The following CALN1 variants were observed in gnomAD, a reference collection of about 807,000 sequenced individuals.
The protein encoded by CALN1 is calcium-binding protein 8.
CALN1 carries 17 observed loss-of-function variants against 30.6 expected under a neutral mutation model. The observed-to-expected ratio is 0.56, with a 90% CI of 0.38 to 0.83. The LOEUF (loss-of-function observed/expected upper bound fraction) is 0.83, where lower values mean the gene tolerates loss of function less well. Among genes scored for constraint, CALN1 ranks in the 40% least tolerant of loss-of-function variants. The pLI is 0.00. For missense variants in CALN1, 291 were observed against 354.9 expected (o/e 0.82, Z 1.45); for synonymous variants, 156 against 131.4 (o/e 1.19, Z -1.28).
chr7:71,862,650 G>A (rs111344053), intron 5 of CALN1, among the ~76,000 whole-genome samples: 72 of 152,296 alleles, frequency 4.7e-4, no homozygotes, highest in African/African-American at 1.6e-3. Context: ...AGTTAGAATG[G>A]AAAGACAAAA....
chr7:71,847,801 A>AG (rs1380996936), intron 5 of CALN1, among the ~76,000 whole-genome samples: 40 of 137,840 alleles, frequency 2.9e-4, no homozygotes, highest in East Asian at 2.2e-3. Context: ...GAAGAAAAGA[A>AG]GAAAAGAAGG....
intron 5 of CALN1, among the ~76,000 whole-genome samples, chr7:71,921,767 A>G (rs550213441): frequency 3.3e-5 from 5 of 152,284 alleles, no homozygotes; most frequent in African/African-American, 1.2e-4. Context: ...AGCCTGGGAC[A>G]CATAATCTGT....
chr7:72,086,890 GGTCAAATAATAAAA>G (rs781032400), intron 4 of CALN1, among the ~76,000 whole-genome samples: 1 of 151,960 alleles, frequency 6.6e-6, no homozygotes, highest in South Asian at 2.1e-4. Flanking sequence ...ATTAAATAAG[GGTCAAATAATAAAA>G]GTCAAATAAT....
rs144038276 is a variant in CALN1, at chr7:72,300,015, G to A, written c.120-21205C>T. 4.3e-4 allele frequency among the ~76,000 whole-genome samples: 66 copies of A among 152,122 alleles called. 1 individual carries two copies. Among genetic ancestry groups the A allele is most frequent in the African/African-American group, 1.5e-3 (62 of 41,500 alleles). On this transcript the variant is annotated intron_variant, in intron 2 of 6. Transcript: ENST00000395275. Reference sequence around the variant, plus strand: ...CCTGCCTCAGCCTCTGAAGTAGCTGGGATTACAGGCGCATGCCACCATGCC... The same window carrying A: ...CCTGCCTCAGCCTCTGAAGTAGCTGAGATTACAGGCGCATGCCACCATGCC...
intron 3 of CALN1, among the ~76,000 whole-genome samples, chr7:72,196,642 A>G (rs1791025297): frequency 6.6e-6 from 1 of 152,220 alleles, no homozygotes; most frequent in African/African-American, 2.4e-5. Context: ...AGAGAAGCAC[A>G]CTGGGAGATA....
chr7:72,161,393 G>A (rs1026510217), intron 3 of CALN1, among the ~76,000 whole-genome samples: 6 of 152,174 alleles, frequency 3.9e-5, no homozygotes, highest in Non-Finnish European at 1.5e-5. Flanking sequence ...ATAAGGTGGA[G>A]AAGGATGGAA....
At chr7:72,204,024 C>T (rs1791647709) in intron 3 of CALN1, among the ~76,000 whole-genome samples, 1 of 115,486 alleles carries the variant, frequency 8.7e-6, no homozygotes, top group Admixed American at 1.1e-4. Flanking sequence ...CAGAGTCTCA[C>T]TCTGTCGCCC....
intron 4 of CALN1, among the ~76,000 whole-genome samples, chr7:72,056,543 G>A (rs1803268253): frequency 6.6e-6 from 1 of 151,762 alleles, no homozygotes; most frequent in South Asian, 2.1e-4. Flanking sequence ...ATGAATTAGA[G>A]GATAAAAAAT....
intron 2 of CALN1, among the ~76,000 whole-genome samples, chr7:72,364,372 T>C (rs1289653443): frequency 6.6e-6 from 1 of 152,218 alleles, no homozygotes; most frequent in African/African-American, 2.4e-5. Flanking sequence ...AAATACATCA[T>C]ATATCTACAG....
intron 3 of CALN1, among the ~76,000 whole-genome samples, chr7:72,156,795 C>T (rs1787713855): frequency 6.6e-6 from 1 of 152,226 alleles, no homozygotes; most frequent in East Asian, 1.9e-4. Context: ...ACAGAAGCCA[C>T]CAGTTCCTTC....
At chr7:72,038,159 T>C (rs1422762767) in intron 4 of CALN1, among the ~76,000 whole-genome samples, 3 of 151,778 alleles carry the variant, frequency 2.0e-5, no homozygotes, top group Non-Finnish European at 2.9e-5. Flanking sequence ...ATGTTTTTAT[T>C]TAACCGAGTC....
chr7:72,167,591 C>T (rs748341172), intron 3 of CALN1, among the ~76,000 whole-genome samples: 1 of 152,200 alleles, frequency 6.6e-6, no homozygotes, highest in Non-Finnish European at 1.5e-5. Flanking sequence ...GTGATCCACC[C>T]TCCTCAGCCT....
At position 72,210,490 on chromosome 7, in the gene CALN1, G is replaced by A. The variant is rs1792314259; in HGVS notation, c.244+68196C>T. Reference sequence around the variant, plus strand: ...CTGCCCAAGACTGGTAATTTATAAAGGAAAGAGGTTTCATTGCCTCACGGT... The same window carrying A: ...CTGCCCAAGACTGGTAATTTATAAAAGAAAGAGGTTTCATTGCCTCACGGT... On this transcript the variant is annotated intron_variant, in intron 3 of 6. Transcript: ENST00000395275. Among the ~76,000 whole-genome samples the A allele has an allele frequency of 2.6e-5, 4 of 152,124 alleles. No homozygotes were observed. The South Asian group carries it at 8.3e-4, about 32-fold the overall frequency.
intron 2 of CALN1, among the ~76,000 whole-genome samples, chr7:72,299,655 C>G (rs983440884): frequency 3.4e-5 from 5 of 146,444 alleles, no homozygotes; most frequent in African/African-American, 7.5e-5. Context: ...CACAAGTAAC[C>G]AAAGAAATAC....
chr7:71,892,625 C>CAA (rs146721851), intron 5 of CALN1, among the ~76,000 whole-genome samples: 1 of 151,790 alleles, frequency 6.6e-6, no homozygotes, highest in African/African-American at 2.4e-5. Flanking sequence ...CATTTCCCCC[C>CAA]AAAAAAAATC....
intron 5 of CALN1, among the ~76,000 whole-genome samples, chr7:71,981,661 G>GA (rs1798400160): frequency 7.0e-6 from 1 of 143,466 alleles, no homozygotes; most frequent in African/African-American, 2.8e-5. Flanking sequence ...TGTCTGAAAT[G>GA]AAAAAACAAA....
At chr7:71,968,131 G>A (rs1196657473) in intron 5 of CALN1, among the ~76,000 whole-genome samples, 1 of 152,150 alleles carries the variant, frequency 6.6e-6, no homozygotes. Context: ...CTGGAAACAA[G>A]TCAAATGTCT....
chr7:72,100,929 C>G (rs1282245567), intron 4 of CALN1, among the ~76,000 whole-genome samples: 3 of 151,518 alleles, frequency 2.0e-5, no homozygotes, highest in Non-Finnish European at 4.4e-5. Context: ...TTGCTAATTC[C>G]ATTCACATTT....
chr7:72,096,234 C>G (rs185650513), intron 4 of CALN1, among the ~76,000 whole-genome samples: 2 of 152,292 alleles, frequency 1.3e-5, no homozygotes, highest in Admixed American at 1.3e-4. Flanking sequence ...GACACCAGGT[C>G]TCTGCACATG....
Sources: allele counts gnomAD v4.1 joint callset (sites outside exome capture counted in the v4.1 genomes callset), GRCh38; gene constraint gnomAD v4.1.1; transcripts MANE v1.5; gene names NCBI Gene and HGNC (gene_info 2026-07-23, HGNC 2026-07-21).